Variants in VPS37A observed in about 807,000 individuals in gnomAD.
The protein encoded by VPS37A is vacuolar protein sorting-associated protein 37A.
In VPS37A, 30 loss-of-function variants were observed where a neutral mutation model predicts 49.8. The observed-to-expected ratio is 0.60, with a 90% CI of 0.45 to 0.82. The LOEUF is 0.82. Among genes scored for constraint, VPS37A ranks in the 40% least tolerant of loss-of-function variants. The pLI is 0.00. For missense variants in VPS37A, 593 were observed against 464.4 expected (o/e 1.28, Z -2.55); for synonymous variants, 195 against 160.6 (o/e 1.21, Z -1.62).
intron 1 of VPS37A, among the ~76,000 whole-genome samples, chr8:17,249,417 G>A (rs1359150091): frequency 6.6e-6 from 1 of 152,162 alleles, no homozygotes; most frequent in African/African-American, 2.4e-5. Flanking sequence ...ATTAGATAAT[G>A]TAATTTATTT....
chr8:17,257,029 A>G (rs1812529798), intron 1 of VPS37A, among the ~76,000 whole-genome samples: 2 of 152,178 alleles, frequency 1.3e-5, no homozygotes, highest in South Asian at 2.1e-4. Flanking sequence ...CATTTCCTCA[A>G]TGTTTTCTTC....
rs1401080463 is a variant in VPS37A at position 17,253,207 on chromosome 8, A to T, written c.125+5838A>T. The stretch of plus-strand genomic sequence containing the variant: ...CTCCCCCCAACCTGAACTCCTTCCA[A>T]ACCATTTCTGCTGTTTGCTCACCTA... On this transcript the variant is annotated intron_variant, in intron 1 of 11. Coordinates refer to ENST00000324849, the MANE Select transcript of VPS37A (RefSeq NM_152415.3). Among the ~76,000 whole-genome samples, 3 of 152,296 alleles carry T rather than the reference A, an allele frequency of 2.0e-5. No individual in the cohort carries two copies. The East Asian group carries it at 5.8e-4, about 29-fold the overall frequency.
At chr8:17,304,899 A>G (rs929002924), downstream of VPS37A, among the ~76,000 whole-genome samples, 16 of 152,116 alleles carry the variant, frequency 1.1e-4, no homozygotes, top group African/African-American at 3.9e-4. Flanking sequence ...AGCTCTGTCT[A>G]ATTTACAGAT....
the VPS37A span, among the ~76,000 whole-genome samples, chr8:17,317,485 T>C: frequency 0.12 from 17,929 of 152,122 alleles, 1,774 homozygotes; most frequent in East Asian, 0.46. Flanking sequence ...GTTTTTGGCC[T>C]GGAATTCCCC....
At chr8:17,290,788 G>C (rs772683864) in intron 11 of VPS37A, among the ~76,000 whole-genome samples, 2 of 152,138 alleles carry the variant, frequency 1.3e-5, no homozygotes, top group African/African-American at 2.4e-5. Flanking sequence ...GTAGAATTTG[G>C]CTATGAATCA....
chr8:17,256,171 A>T (rs1314594669), intron 1 of VPS37A, among the ~76,000 whole-genome samples: 1 of 150,664 alleles, frequency 6.6e-6, no homozygotes, highest in Non-Finnish European at 1.5e-5. Flanking sequence ...ACTCCAAATT[A>T]GTTGTACTAA....
chr8:17,277,861 T>TATAC (rs1814662535), intron 6 of VPS37A, among the ~76,000 whole-genome samples: 1 of 140,886 alleles, frequency 7.1e-6, no homozygotes. Context: ...TTCTCTTTTA[T>TATAC]ACACACACAC....
chr8:17,325,145 C>G, the VPS37A span, among the ~76,000 whole-genome samples: 3 of 152,010 alleles, frequency 2.0e-5, no homozygotes, highest in Non-Finnish European at 2.9e-5. Flanking sequence ...AGCCTCTCCT[C>G]TCCAAGCAGA....
intron 10 of VPS37A, among the ~76,000 whole-genome samples, chr8:17,285,939 G>A (rs984924789): frequency 6.6e-6 from 1 of 152,086 alleles, no homozygotes; most frequent in Non-Finnish European, 1.5e-5. Context: ...TAAATTCTTA[G>A]CTGTCGTCAA....
intron 4 of VPS37A, among the ~76,000 whole-genome samples, chr8:17,273,459 C>T (rs1197588224): frequency 1.3e-5 from 2 of 152,172 alleles, no homozygotes; most frequent in Admixed American, 6.5e-5. Context: ...CTCGGCCTCC[C>T]GGGTTCATGC....
chr8:17,259,332 C>T (rs1304930781), intron 1 of VPS37A, among the ~76,000 whole-genome samples: 1 of 151,988 alleles, frequency 6.6e-6, no homozygotes. Flanking sequence ...CTTTGTCACC[C>T]CATTGGCTGT....
chr8:17,313,780 C>A, the VPS37A span, among the ~76,000 whole-genome samples: 10 of 152,226 alleles, frequency 6.6e-5, no homozygotes, highest in African/African-American at 2.4e-4. Flanking sequence ...GGAAAAAAAT[C>A]ATATAACTAA....
At chr8:17,314,419 A>T in the VPS37A span, among the ~76,000 whole-genome samples, 1 of 152,140 alleles carries the variant, frequency 6.6e-6, no homozygotes, top group Middle Eastern at 3.2e-3. Context: ...CAATTTCTTC[A>T]TTTTTAAAAT....
the VPS37A span, chr8:17,311,409 A>C: frequency 6.7e-7 from 1 of 1,501,098 alleles, no homozygotes. Context: ...TAAAAGAAAA[A>C]TAATGCTGGC....
At chr8:17,261,419 A>C (rs902120580) in intron 1 of VPS37A, among the ~76,000 whole-genome samples, 1 of 152,196 alleles carries the variant, frequency 6.6e-6, no homozygotes, top group Non-Finnish European at 1.5e-5. Flanking sequence ...TCTACTATTT[A>C]AATTCTTGTT....
chr8:17,255,567 A>G (rs1308765400), intron 1 of VPS37A, among the ~76,000 whole-genome samples: 1 of 152,174 alleles, frequency 6.6e-6, no homozygotes, highest in African/African-American at 2.4e-5. Context: ...TTTATTCTGT[A>G]AAAGGAAGCT....
intron 1 of VPS37A, among the ~76,000 whole-genome samples, chr8:17,255,483 AAT>A (rs967203787): frequency 7.2e-5 from 10 of 139,374 alleles, no homozygotes; most frequent in African/African-American, 2.6e-4. Context: ...CTTCGTCTTA[AAT>A]ATATATATGT....
Position 17,290,362 on chromosome 8 carries a change from C to T in VPS37A, c.*3935C>T, listed in dbSNP as rs188570296. On this transcript the variant is annotated intron_variant, in intron 11 of 11. Transcript: ENST00000324849. Reference sequence around the variant, plus strand: ...TATTTTCAGATACATTCCATCATTACCTAGTTTACTGAGTGTTTTTAGCAT... The same window carrying T: ...TATTTTCAGATACATTCCATCATTATCTAGTTTACTGAGTGTTTTTAGCAT... Among the ~76,000 whole-genome samples, 623 of 152,216 alleles carry T rather than the reference C, an allele frequency of 4.1e-3. 6 individuals carry two copies. Among genetic ancestry groups the T allele is most frequent in the African/African-American group, 0.014 (596 of 41,524 alleles).
At chr8:17,257,421 A>T (rs1358826909) in intron 1 of VPS37A, among the ~76,000 whole-genome samples, 1 of 152,058 alleles carries the variant, frequency 6.6e-6, no homozygotes, top group Non-Finnish European at 1.5e-5. Context: ...AGTCCATATA[A>T]ATATTAGGAT....
Sources: gnomAD v4.1 joint callset for allele counts (sites outside exome capture counted in the v4.1 genomes callset) on GRCh38, gnomAD v4.1.1 for gene constraint, MANE v1.5 for transcripts, NCBI Gene and HGNC (gene_info 2026-07-23, HGNC 2026-07-21) for gene names.